TTLL5: variants seen among roughly 807,000 people sequenced by gnomAD.
The protein encoded by TTLL5 is tubulin polyglutamylase TTLL5.
A neutral mutation model predicts 168.4 loss-of-function variants in TTLL5; 132 were observed. The ratio of observed to expected loss-of-function variants is 0.78; its 90% CI spans 0.68 to 0.91. The LOEUF is 0.91. Ranked by LOEUF, TTLL5 falls within the 40% of genes least tolerant of loss-of-function variation. The probability of loss-of-function intolerance (pLI) is 0.00; values close to 1 mark genes in which losing one functional copy is unlikely to be tolerated. For synonymous variants in TTLL5, 546 were observed against 558.6 expected, an observed-to-expected ratio of 0.98 and a Z score of 0.32; for missense variants, 1,545 against 1,581.5, an observed-to-expected ratio of 0.98 and a Z score of 0.39.
intron 28 of TTLL5, chr14:75,820,510 T>G (rs1475953395): frequency 1.2e-5 from 2 of 173,180 alleles, no homozygotes; most frequent in East Asian, 1.6e-4. Context: ...ATACCTTGTG[T>G]TGTTTATAGT....
chr14:75,681,015 A>C (rs1273265018), intron 3 of TTLL5, among the ~76,000 whole-genome samples: 1 of 152,078 alleles, frequency 6.6e-6, no homozygotes, highest in East Asian at 1.9e-4. Flanking sequence ...AGAGTGTTTT[A>C]AAATAGATTT....
rs775565673 is a variant in TTLL5, at chr14:75,735,286, T to G, written c.1278T>G (p.Pro426=). 11 of 1,613,994 alleles carry G rather than the reference T, an allele frequency of 6.8e-6. No homozygotes were observed. In the Admixed American group the frequency reaches 1.7e-4, roughly 24 times the overall value. Residue 426 remains proline, a synonymous_variant, in exon 15 of 32, where the codon CCT becomes CCG. Transcript: ENST00000298832. ...ESSRRNPFQK[P]QRCRPLSASD... is the part of the protein sequence containing the mutation. ...CCAGGCGAAACCCTTTCCAGAAACCTCAGGTAAGCCAATTCCACAGCAGGG... is the reference window on the plus strand; with the variant it reads ...CCAGGCGAAACCCTTTCCAGAAACCGCAGGTAAGCCAATTCCACAGCAGGG...
chr14:75,771,896 C>G, intron 21 of TTLL5, 42 bp downstream of exon 21: 1 of 1,532,588 alleles, frequency 6.5e-7, no homozygotes, highest in South Asian at 1.3e-5. Flanking sequence ...TTCCCTTTTT[C>G]TTTCTTCTTT....
chr14:75,722,033 GCTTC>G (rs1887870721), intron 12 of TTLL5, among the ~76,000 whole-genome samples: 1 of 152,036 alleles, frequency 6.6e-6, no homozygotes, highest in South Asian at 2.1e-4. Flanking sequence ...GACCTGAAAG[GCTTC>G]TAAGGTAACT....
At position 75,935,449 on chromosome 14, in the gene TTLL5, C is replaced by T. The variant is rs566320709; in HGVS notation, c.3824-18975C>T. ...AGAGGAAGAAGCTGTTTCCTGTTATCTCCAGGCTGCATGACAACAAGATGA... is the reference window on the plus strand; with the variant it reads ...AGAGGAAGAAGCTGTTTCCTGTTATTTCCAGGCTGCATGACAACAAGATGA... On this transcript the variant is annotated intron_variant, in intron 31 of 31. Coordinates refer to ENST00000298832, the MANE Select transcript of TTLL5 (RefSeq NM_015072.5). Among the ~76,000 whole-genome samples, 5 of 152,302 alleles carry T rather than the reference C, an allele frequency of 3.3e-5. No individual in the cohort carries two copies. In the South Asian group the frequency reaches 6.2e-4, roughly 19 times the overall value.
intron 29 of TTLL5, among the ~76,000 whole-genome samples, chr14:75,867,296 G>A (rs566676688): frequency 6.6e-6 from 1 of 152,154 alleles, no homozygotes; most frequent in Non-Finnish European, 1.5e-5. Flanking sequence ...CCATTTGAAG[G>A]GCTTGTTAAA....
intron 7 of TTLL5, among the ~76,000 whole-genome samples, chr14:75,705,513 G>A (rs775957268): frequency 6.6e-6 from 1 of 152,152 alleles, no homozygotes; most frequent in Non-Finnish European, 1.5e-5. Flanking sequence ...CCTGGATTCC[G>A]TTGCTGCTCT....
intron 27 of TTLL5, among the ~76,000 whole-genome samples, chr14:75,810,141 G>A (rs988261778): frequency 2.9e-4 from 44 of 152,130 alleles, no homozygotes; most frequent in African/African-American, 1.0e-3. Context: ...CAGAGTAGGT[G>A]CCTGAGAAAT....
chr14:75,882,661 A>AT (rs772922242), intron 29 of TTLL5, 24 bp from the exon 30 acceptor site: 93 of 1,594,708 alleles, frequency 5.8e-5, no homozygotes, highest in Non-Finnish European at 7.7e-5. Flanking sequence ...TCCATCGATC[A>AT]TTTTTTTCCT....
chr14:75,933,730 A>G lies in TTLL5; in HGVS notation c.3824-20694A>G, dbSNP rs139327884. Reference sequence around the variant, plus strand: ...TCATATGTTGAAGCCCTAACCCCCAATACCTCAGAATATGACTGTATGTAG... The same window carrying G: ...TCATATGTTGAAGCCCTAACCCCCAGTACCTCAGAATATGACTGTATGTAG... On this transcript the variant is annotated intron_variant, in intron 31 of 31. Coordinates refer to ENST00000298832, the MANE Select transcript of TTLL5 (RefSeq NM_015072.5). Among the ~76,000 whole-genome samples the G allele has an allele frequency of 6.1e-4, 93 of 152,326 alleles. 1 individual carries two copies. Among genetic ancestry groups the G allele is most frequent in the African/African-American group, 2.1e-3 (88 of 41,572 alleles).
chr14:75,834,554 T>C (rs1205277998), intron 28 of TTLL5, among the ~76,000 whole-genome samples: 4 of 152,208 alleles, frequency 2.6e-5, no homozygotes, highest in African/African-American at 7.2e-5. Flanking sequence ...TTCTACCCCT[T>C]ACTCTGTATA....
At chr14:75,914,055 T>TATATATATATATATATATATATATA (rs2033509167) in intron 31 of TTLL5, among the ~76,000 whole-genome samples, 1 of 124,232 alleles carries the variant, frequency 8.0e-6, no homozygotes, top group Admixed American at 8.3e-5. Flanking sequence ...TATATATATA[T>TATATATATATATATATATATATATA]TTTATCCCCT....
chr14:75,702,514 CT>C (rs1221445467), intron 7 of TTLL5, among the ~76,000 whole-genome samples: 11 of 152,150 alleles, frequency 7.2e-5, no homozygotes, highest in African/African-American at 1.9e-4. Flanking sequence ...TCATCTGGGA[CT>C]TTTTTCTTTT....
chr14:75,881,470 G>A (rs554008053), intron 29 of TTLL5, among the ~76,000 whole-genome samples: 3 of 152,236 alleles, frequency 2.0e-5, no homozygotes, highest in Admixed American at 2.0e-4. Context: ...CTGAAAATGA[G>A]ACATTTTATG....
rs1166420551 is a variant in TTLL5 at position 75,773,957 on chromosome 14, AAGAGAGAGAGAG to A, written c.2137-1496_2137-1485del. 3.0e-3 allele frequency among the ~76,000 whole-genome samples: 128 copies of A among 43,306 alleles called. 1 individual carries two copies. The highest frequency in any genetic ancestry group is 9.9e-3 in the African/African-American group (122 of 12,290). 28.4% of individuals were successfully genotyped at this position (43,306 alleles called of 152,430 possible). On this transcript the variant is annotated intron_variant, in intron 21 of 31. Transcript: ENST00000298832. The stretch of plus-strand genomic sequence containing the variant: ...AGAGAGAGAGAGAGAGAGAGAGAGA[AAGAGAGAGAGAG>A]AGAGAGAGAGAGAGAGAGAGAGAGA...
At chr14:75,914,971 C>CTA (rs2033562830) in intron 31 of TTLL5, among the ~76,000 whole-genome samples, 1 of 152,168 alleles carries the variant, frequency 6.6e-6, no homozygotes, top group African/African-American at 2.4e-5. Context: ...CCCAACCTTA[C>CTA]TATAACTTGT....
rs377030743 is a variant in TTLL5, at chr14:75,876,413, G to A, written c.3523-6272G>A. ...TTTCGAAATTTTTCTGTCCAGGTAA[G>A]CATCTGTCTTTGTATCCTTTAGAGT... On this transcript the variant is annotated intron_variant, in intron 29 of 31. Coordinates refer to ENST00000298832, the MANE Select transcript of TTLL5 (RefSeq NM_015072.5). 3.3e-5 allele frequency among the ~76,000 whole-genome samples: 5 copies of A among 152,298 alleles called. No homozygotes were observed. In the East Asian group the frequency reaches 9.6e-4, roughly 29 times the overall value.
intron 17 of TTLL5, among the ~76,000 whole-genome samples, chr14:75,750,737 A>G (rs1330523317): frequency 6.6e-6 from 1 of 151,664 alleles, no homozygotes; most frequent in Non-Finnish European, 1.5e-5. Context: ...TATATATACT[A>G]TGTTTTTTAC....
At chr14:75,802,617 A>C (rs1404811772) in intron 27 of TTLL5, among the ~76,000 whole-genome samples, 1 of 152,232 alleles carries the variant, frequency 6.6e-6, no homozygotes, top group South Asian at 2.1e-4. Flanking sequence ...TATTTAAAAA[A>C]CATTTTGCTA....
Sources: gnomAD v4.1 joint callset for allele counts (sites outside exome capture counted in the v4.1 genomes callset) on GRCh38, gnomAD v4.1.1 for gene constraint, MANE v1.5 for transcripts, NCBI Gene and HGNC (gene_info 2026-07-23, HGNC 2026-07-21) for gene names.